Variants in ATXN2 observed in about 807,000 individuals in gnomAD.
ATXN2 encodes the protein ataxin 2, also known as ataxin-2.
Under a neutral mutation model 138.6 loss-of-function variants are expected in ATXN2, and 37 were observed. The observed-to-expected ratio is 0.27, with a 90% CI of 0.21 to 0.35. ATXN2 has a LOEUF of 0.35. ATXN2 is among the 10% of genes least tolerant of loss of function. ATXN2 has a pLI of 1.00. For missense variants in ATXN2, 1,216 were observed against 1,480.3 expected (o/e 0.82, Z 2.93); for synonymous variants, 549 against 543.7 (o/e 1.01, Z -0.13).
At position 111,453,338 on chromosome 12, in the gene ATXN2, G is replaced by A. The variant is rs1254540138; in HGVS notation, c.3439+339C>T. 9.2e-7 allele frequency: 1 copy of A among 1,091,686 alleles called. No homozygotes were observed. Among genetic ancestry groups the A allele is most frequent in the Non-Finnish European group, 1.1e-6 (1 of 898,906 alleles). The allele number at this position is 1,091,686 out of a possible 1,614,324, so 67.6% of individuals were successfully genotyped here. On this transcript the variant is annotated intron_variant, in intron 24 of 24. Transcript: ENST00000673436. The surrounding 1 kb of genome is among the most constrained non-coding windows in gnomAD (Gnocchi z 5.4). ...CATGGTAATAACCCCCCACATGTCA[G>A]ACTTTTGGGACTCAGGAAGGAAAAC...
At chr12:111,489,186 G>C (rs1877848572) in intron 14 of ATXN2, among the ~76,000 whole-genome samples, 1 of 146,240 alleles carries the variant, frequency 6.8e-6, no homozygotes, top group African/African-American at 2.8e-5. Context: ...AGGTTTCTCA[G>C]TAAAGTGTCA....
intron 5 of ATXN2, among the ~76,000 whole-genome samples, chr12:111,525,788 G>T: frequency 6.6e-6 from 1 of 151,306 alleles, no homozygotes; most frequent in Non-Finnish European, 1.5e-5. Flanking sequence ...GGGTTCAAGC[G>T]ATTCTCCTGC....
At chr12:111,554,129 A>G in intron 3 of ATXN2, 29 bp downstream of exon 3, 1 of 1,391,292 alleles carries the variant, frequency 7.2e-7, no homozygotes, top group Non-Finnish European at 9.8e-7. Context: ...CCCCCAAGGC[A>G]GTTTATCCCC....
chr12:111,593,442 A>G (rs1165486980), intron 1 of ATXN2, among the ~76,000 whole-genome samples: 2 of 152,108 alleles, frequency 1.3e-5, no homozygotes, highest in African/African-American at 4.8e-5. Context: ...AATAGCTACA[A>G]TATGAGTTAA....
At chr12:111,528,426 AAAGC>A (rs1435895914) in intron 5 of ATXN2, among the ~76,000 whole-genome samples, 1 of 152,226 alleles carries the variant, frequency 6.6e-6, no homozygotes, top group Non-Finnish European at 1.5e-5. Flanking sequence ...CCAGTGTGGA[AAAGC>A]AAGCAAGCGT....
intron 14 of ATXN2, among the ~76,000 whole-genome samples, chr12:111,492,904 C>G (rs1219605562): frequency 1.3e-5 from 2 of 152,040 alleles, no homozygotes; most frequent in Non-Finnish European, 2.9e-5. Context: ...AAGCTGAATG[C>G]TTTGAGAAAG....
At chr12:111,477,972 T>C (rs73201776) in intron 18 of ATXN2, among the ~76,000 whole-genome samples, 3,910 of 151,978 alleles carry the variant, frequency 0.026, 70 homozygotes, top group Non-Finnish European at 0.04. Context: ...TTTCTTTTTT[T>C]TTTTTGCAAA....
chr12:111,497,841 C>T (rs1214470816), intron 14 of ATXN2, among the ~76,000 whole-genome samples: 1 of 151,778 alleles, frequency 6.6e-6, no homozygotes, highest in Non-Finnish European at 1.5e-5. Context: ...ACGGTGAAAC[C>T]CCGTCTCTAC....
intron 5 of ATXN2, among the ~76,000 whole-genome samples, chr12:111,549,102 T>C (rs1881988940): frequency 6.6e-6 from 1 of 152,084 alleles, no homozygotes; most frequent in Non-Finnish European, 1.5e-5. Flanking sequence ...ACACCCTGAC[T>C]GTCCAGAGCC....
intron 5 of ATXN2, among the ~76,000 whole-genome samples, chr12:111,529,197 G>GA (rs1185985698): frequency 6.6e-6 from 1 of 151,834 alleles, no homozygotes; most frequent in Non-Finnish European, 1.5e-5. Flanking sequence ...GCAAAGTTGA[G>GA]AAAAAAACAA....
At chr12:111,591,759 G>T (rs1038603135) in intron 1 of ATXN2, among the ~76,000 whole-genome samples, 12 of 152,062 alleles carry the variant, frequency 7.9e-5, no homozygotes, top group South Asian at 4.1e-4. Context: ...AGGATTTTTT[G>T]TTGTTGTTGT....
chr12:111,487,297 C>T (rs1174868446), intron 15 of ATXN2, among the ~76,000 whole-genome samples: 4 of 151,774 alleles, frequency 2.6e-5, no homozygotes, highest in East Asian at 1.9e-4. Flanking sequence ...ATTTTGGCCA[C>T]GCTGACCTTA....
intron 1 of ATXN2, among the ~76,000 whole-genome samples, chr12:111,596,613 C>A (rs1884954302): frequency 6.6e-6 from 1 of 152,128 alleles, no homozygotes; most frequent in South Asian, 2.1e-4. Flanking sequence ...CAAAGTAATT[C>A]TACAAGTACA....
intron 11 of ATXN2, chr12:111,511,590 T>C (rs678436): frequency 0.44 from 66,240 of 151,658 alleles, 19,391 homozygotes; most frequent in East Asian, 0.94. Flanking sequence ...CTCAGCCTCC[T>C]GAGCAGCTGG....
In ATXN2 at chr12:111,516,389, A is replaced by G. The variant is rs376211205; in HGVS notation, c.1166-26T>C. 5.2e-6 allele frequency: 8 copies of G among 1,528,242 alleles called. No individual in the cohort carries two copies. Among genetic ancestry groups the G allele is most frequent in the Non-Finnish European group, 7.0e-6 (8 of 1,135,166 alleles). The allele number at this position is 1,528,242 out of a possible 1,614,324, so 94.7% of individuals were successfully genotyped here. The stretch of plus-strand genomic sequence containing the variant: ...CTGACAGAACAAATGATATGAAGGA[A>G]AGTATAAAAACTAAAGAAAAAAATG... On this transcript the variant is annotated intron_variant, in intron 9 of 24. Transcript: ENST00000673436. This position sits in a 1 kb window ranked among gnomAD's most constrained non-coding sequence, Gnocchi z 5.0.
intron 10 of ATXN2, 118 bp from the exon 11 acceptor site, chr12:111,513,657 C>T: frequency 1.2e-6 from 1 of 862,596 alleles, no homozygotes; most frequent in Non-Finnish European, 1.6e-6. Flanking sequence ...TACAGTTTTT[C>T]CTTGGTTAAA....
At chr12:111,472,328 G>A (rs1363833151) in intron 18 of ATXN2, among the ~76,000 whole-genome samples, 3 of 152,118 alleles carry the variant, frequency 2.0e-5, no homozygotes, top group African/African-American at 7.2e-5. Flanking sequence ...GACTCTGCCT[G>A]TTATTTGAAA....
Position 111,460,146 on chromosome 12 carries a change from A to G in ATXN2, c.2897-2787T>C, listed in dbSNP as rs554543006. 4.6e-5 allele frequency among the ~76,000 whole-genome samples: 7 copies of G among 152,338 alleles called. No homozygotes were observed. The East Asian group carries it at 9.6e-4, about 21-fold the overall frequency. Reference sequence around the variant, plus strand: ...GCCCAGGGTGGAGTGCAGTGGCGTGATATCAGCTCACCGCAACCTCTGCCT... The same window carrying G: ...GCCCAGGGTGGAGTGCAGTGGCGTGGTATCAGCTCACCGCAACCTCTGCCT... On this transcript the variant is annotated intron_variant, in intron 21 of 24. Coordinates refer to ENST00000673436, the MANE Select transcript of ATXN2 (RefSeq NM_001372574.1).
chr12:111,529,131 TA>T (rs770716960), intron 5 of ATXN2, among the ~76,000 whole-genome samples: 67 of 144,780 alleles, frequency 4.6e-4, no homozygotes, highest in Admixed American at 3.5e-4. Flanking sequence ...GTCTGGATTT[TA>T]AAAAAAAAAA....
Sources: allele counts gnomAD v4.1 joint callset (sites outside exome capture counted in the v4.1 genomes callset), GRCh38; gene constraint gnomAD v4.1.1; non-coding constraint Gnocchi (gnomAD v3.1); transcripts MANE v1.5; gene names NCBI Gene and HGNC (gene_info 2026-07-23, HGNC 2026-07-21).